Variants in PTPRD observed in about 807,000 individuals in gnomAD.
PTPRD encodes the protein receptor-type tyrosine-protein phosphatase delta.
Under a neutral mutation model 214.5 loss-of-function variants are expected in PTPRD, and 34 were observed. The observed-to-expected ratio is 0.16, with a 90% CI of 0.12 to 0.21. PTPRD has a LOEUF of 0.21. Ranked by LOEUF, PTPRD falls within the 10% of genes least tolerant of loss-of-function variation. The pLI is 1.00. For synonymous variants in PTPRD, 1,128 were observed against 845.7 expected (o/e 1.33, Z -5.79); for missense variants, 2,545 against 2,398.7 (o/e 1.06, Z -1.27).
At chr9:9,991,045 C>T (rs1463763513) in intron 4 of PTPRD, among the ~76,000 whole-genome samples, 8 of 151,720 alleles carry the variant, frequency 5.3e-5, no homozygotes, top group African/African-American at 7.3e-5. Context: ...AGCAATTCTC[C>T]GGCCTCAGCC....
chr9:9,784,625 A>G (rs2098902666), intron 5 of PTPRD, among the ~76,000 whole-genome samples: 1 of 151,932 alleles, frequency 6.6e-6, no homozygotes, highest in African/African-American at 2.4e-5. Context: ...CAGATCAATA[A>G]CCTAGCAGAC....
intron 8 of PTPRD, among the ~76,000 whole-genome samples, chr9:9,565,333 G>T (rs1014138482): frequency 1.3e-5 from 2 of 151,772 alleles, no homozygotes; most frequent in South Asian, 4.1e-4. Context: ...AGACTATGTA[G>T]AAATGGAGAT....
chr9:9,945,430 A>G (rs1238236036), intron 4 of PTPRD, among the ~76,000 whole-genome samples: 1 of 152,170 alleles, frequency 6.6e-6, no homozygotes, highest in Non-Finnish European at 1.5e-5. Flanking sequence ...TACTGGTGAT[A>G]TGAAGATAAA....
chr9:10,051,766 A>C (rs1263242772), intron 3 of PTPRD, among the ~76,000 whole-genome samples: 1 of 152,172 alleles, frequency 6.6e-6, no homozygotes, highest in Non-Finnish European at 1.5e-5. Context: ...TAGTCAAAAA[A>C]GAATATTATC....
chr9:8,957,989 A>C (rs2099140205), intron 11 of PTPRD, among the ~76,000 whole-genome samples: 1 of 151,964 alleles, frequency 6.6e-6, no homozygotes, highest in Admixed American at 6.6e-5. Flanking sequence ...AGTGATGAAA[A>C]GTAATACCTT....
rs559929899 is a variant in PTPRD, at chr9:10,602,423, A to T, written c.-600+9975T>A. On this transcript the variant is annotated intron_variant, in intron 2 of 45. Transcript: ENST00000381196. ...TGAGGATTATTTTATTCAACTTTTT[A>T]AAAAAATTTGATGAATATGGAGATA... Among the ~76,000 whole-genome samples the T allele has an allele frequency of 4.2e-4, 62 of 148,114 alleles. 2 individuals carry two copies. The highest frequency in any genetic ancestry group is 6.2e-4 in the South Asian group (3 of 4,816).
At chr9:9,678,745 T>C (rs2096992538) in intron 7 of PTPRD, among the ~76,000 whole-genome samples, 1 of 151,686 alleles carries the variant, frequency 6.6e-6, no homozygotes, top group South Asian at 2.1e-4. Flanking sequence ...AAGGAGTCAG[T>C]CTAAACTTTA....
intron 44 of PTPRD, among the ~76,000 whole-genome samples, chr9:8,321,389 A>C (rs75569699): frequency 0.022 from 3,280 of 150,080 alleles, 114 homozygotes; most frequent in African/African-American, 0.076. Context: ...ATCTTACTTT[A>C]ATAAGTTATA....
chr9:9,502,832 T>C (rs754094168), intron 8 of PTPRD, among the ~76,000 whole-genome samples: 7 of 151,894 alleles, frequency 4.6e-5, no homozygotes, highest in Non-Finnish European at 8.8e-5. Flanking sequence ...CAAAAGAATA[T>C]GCAAAATGAG....
chr9:9,018,809 T>C (rs2099547215), intron 10 of PTPRD, 74 bp from the exon 11 acceptor site: 1 of 152,192 alleles, frequency 6.6e-6, no homozygotes, highest in African/African-American at 2.4e-5. Context: ...ATTTAGGTGA[T>C]GCATGTTTAT....
At chr9:9,399,885 A>C (rs1587221077) in intron 8 of PTPRD, among the ~76,000 whole-genome samples, 3 of 152,020 alleles carry the variant, frequency 2.0e-5, no homozygotes. Context: ...TTCCTCTACT[A>C]AATTACCCAG....
Position 9,206,366 on chromosome 9 carries a change from A to G in PTPRD, c.-202-23003T>C, listed in dbSNP as rs188226027. Among the ~76,000 whole-genome samples the G allele has an allele frequency of 7.4e-4, 112 of 152,354 alleles. 1 individual carries two copies. Among genetic ancestry groups the G allele is most frequent in the African/African-American group, 2.6e-3 (110 of 41,590 alleles). On this transcript the variant is annotated intron_variant, in intron 9 of 45. Coordinates refer to ENST00000381196, the MANE Select transcript of PTPRD (RefSeq NM_002839.4). ...ATGTAACATGTTTTTTAAAGAACAC[A>G]CTGGCAATTATGTGAAAACTATACT...
chr9:10,372,378 G>T (rs992201772), intron 2 of PTPRD, among the ~76,000 whole-genome samples: 3 of 151,926 alleles, frequency 2.0e-5, no homozygotes, highest in Non-Finnish European at 4.4e-5. Context: ...TATTCCTTTT[G>T]TTCCTGGAAG....
intron 16 of PTPRD, 83 bp downstream of exon 16, chr9:8,527,262 C>T (rs2074419878): frequency 1.4e-6 from 2 of 1,427,670 alleles, no homozygotes; most frequent in Admixed American, 3.6e-5. Context: ...AAATGCATGC[C>T]ATGCATTTTA....
chr9:9,024,537 C>T (rs146346565), intron 10 of PTPRD, among the ~76,000 whole-genome samples: 273 of 151,600 alleles, frequency 1.8e-3, no homozygotes, highest in African/African-American at 6.2e-3. Flanking sequence ...TTTATCACTC[C>T]TACAAGCAAG....
chr9:8,879,788 C>A (rs1011866463), intron 11 of PTPRD, among the ~76,000 whole-genome samples: 1 of 152,116 alleles, frequency 6.6e-6, no homozygotes, highest in African/African-American at 2.4e-5. Flanking sequence ...GAAACACAAA[C>A]GGAGAGAGGC....
At chr9:9,032,704 G>T (rs1392958179) in intron 10 of PTPRD, among the ~76,000 whole-genome samples, 5 of 152,080 alleles carry the variant, frequency 3.3e-5, no homozygotes, top group Non-Finnish European at 5.9e-5. Context: ...TTCAGACAAG[G>T]TTTGCATCCC....
At chr9:10,094,914 T>C (rs1003467029) in intron 3 of PTPRD, among the ~76,000 whole-genome samples, 32 of 151,494 alleles carry the variant, frequency 2.1e-4, no homozygotes, top group Non-Finnish European at 4.1e-4. Context: ...AATATTAGCA[T>C]TACTGATTTG....
chr9:8,426,208 G>A (rs1381545313), intron 35 of PTPRD, among the ~76,000 whole-genome samples: 4 of 152,174 alleles, frequency 2.6e-5, no homozygotes, highest in Non-Finnish European at 5.9e-5. Flanking sequence ...CTTCATAACA[G>A]TCTCATGGGT....
Sources: gnomAD v4.1 joint callset for allele counts (sites outside exome capture counted in the v4.1 genomes callset) on GRCh38, gnomAD v4.1.1 for gene constraint, MANE v1.5 for transcripts, NCBI Gene and HGNC (gene_info 2026-07-23, HGNC 2026-07-21) for gene names.